OR1J2: variants seen among roughly 807,000 people sequenced by gnomAD.
The protein encoded by OR1J2 is olfactory receptor 1J2.
For missense variants in OR1J2, 304 were observed against 246.1 expected, an observed-to-expected ratio of 1.24 and a Z score of -1.57; for synonymous variants, 142 against 99.7, an observed-to-expected ratio of 1.42 and a Z score of -2.52.
At chr9:122,474,420 A>T in the OR1J2 span, among the ~76,000 whole-genome samples, 1 of 152,170 alleles carries the variant, frequency 6.6e-6, no homozygotes, top group Non-Finnish European at 1.5e-5. Flanking sequence ...CTTCCGCCTG[A>T]TGTGGGATGA....
chr9:122,470,327 T>A, the OR1J2 span, among the ~76,000 whole-genome samples: 1 of 152,220 alleles, frequency 6.6e-6, no homozygotes, highest in African/African-American at 2.4e-5. Flanking sequence ...TGGCTTCAGA[T>A]GGTGCAAGCT....
the OR1J2 span, among the ~76,000 whole-genome samples, chr9:122,580,097 C>G: frequency 0.11 from 16,876 of 152,082 alleles, 1,118 homozygotes; most frequent in Middle Eastern, 0.18. Context: ...AAGTGGACTT[C>G]AGCTGCCGCT....
chr9:122,486,640 C>A, the OR1J2 span, among the ~76,000 whole-genome samples: 2 of 152,132 alleles, frequency 1.3e-5, no homozygotes, highest in African/African-American at 4.8e-5. Flanking sequence ...TGCTGTGATG[C>A]AATTTATATC....
At chr9:122,505,592 T>C in the OR1J2 span, among the ~76,000 whole-genome samples, 1 of 152,210 alleles carries the variant, frequency 6.6e-6, no homozygotes, top group Non-Finnish European at 1.5e-5. Context: ...ATCTATGATG[T>C]CTTAGACCTA....
the OR1J2 span, among the ~76,000 whole-genome samples, chr9:122,525,114 C>G: frequency 1.8e-4 from 28 of 152,248 alleles, no homozygotes; most frequent in Middle Eastern, 3.4e-3. Flanking sequence ...CATGACGATG[C>G]CCTGCTCATC....
At chr9:122,516,300 CTTTTTTTTTT>C (rs1278693220), downstream of OR1J2, among the ~76,000 whole-genome samples, 2 of 104,162 alleles carry the variant, frequency 1.9e-5, no homozygotes, top group Non-Finnish European at 3.6e-5. Context: ...CATACATGGT[CTTTTTTTTTT>C]TTTTTTTTTT....
the OR1J2 span, among the ~76,000 whole-genome samples, chr9:122,481,551 C>G: frequency 6.6e-6 from 1 of 152,062 alleles, no homozygotes; most frequent in Non-Finnish European, 1.5e-5. Context: ...AAAATACAAA[C>G]TAGAAACTCA....
the OR1J2 span, chr9:122,447,597 G>C: frequency 6.6e-6 from 1 of 151,852 alleles, no homozygotes. Flanking sequence ...TAGACTTTCT[G>C]TTAATCTATA....
the OR1J2 span, among the ~76,000 whole-genome samples, chr9:122,541,563 A>G: frequency 6.6e-6 from 1 of 152,216 alleles, no homozygotes; most frequent in African/African-American, 2.4e-5. Context: ...CATATCAAAA[A>G]TAAGAGAATT....
chr9:122,535,112 AG>A, the OR1J2 span, among the ~76,000 whole-genome samples: 6,901 of 151,674 alleles, frequency 0.045, 218 homozygotes, highest in Middle Eastern at 0.075. Flanking sequence ...GAAAAGAGAG[AG>A]TAGAGACATG....
the OR1J2 span, chr9:122,553,900 T>G: frequency 0.72 from 1,165,947 of 1,613,430 alleles, 425,800 homozygotes; most frequent in East Asian, 1. Context: ...GCTGTGTTTG[T>G]CATCTCATCT....
chr9:122,552,058 C>G, the OR1J2 span, among the ~76,000 whole-genome samples: 1 of 100,356 alleles, frequency 1.0e-5, no homozygotes. Flanking sequence ...CACACATACA[C>G]TCTCTCTCTC....
chr9:122,474,196 A>G, the OR1J2 span, among the ~76,000 whole-genome samples: 9,969 of 152,270 alleles, frequency 0.065, 381 homozygotes, highest in South Asian at 0.08. Context: ...TAAACTGTAT[A>G]CTTGTTGTCT....
chr9:122,477,097 A>G, the OR1J2 span: 6 of 1,613,482 alleles, frequency 3.7e-6, no homozygotes, highest in African/African-American at 2.7e-5. Flanking sequence ...TGCTGTGTAT[A>G]TCACTGAAGC....
chr9:122,567,086 C>T, the OR1J2 span: 1 of 152,280 alleles, frequency 6.6e-6, no homozygotes, highest in African/African-American at 2.4e-5. Context: ...TAAAAATTCT[C>T]AAGAAGAGAA....
the OR1J2 span, chr9:122,519,118 C>T: frequency 6.6e-7 from 1 of 1,516,488 alleles, no homozygotes; most frequent in Non-Finnish European, 9.0e-7. Context: ...CCCTCTATTT[C>T]CAGCAGAGAG....
At chr9:122,522,494 A>G in the OR1J2 span, among the ~76,000 whole-genome samples, 51,528 of 152,036 alleles carry the variant, frequency 0.34, 8,988 homozygotes, top group East Asian at 0.5. Flanking sequence ...GGAATTTGCT[A>G]AAGAATTAAG....
the OR1J2 span, among the ~76,000 whole-genome samples, chr9:122,552,047 A>T: frequency 1.4e-5 from 2 of 147,396 alleles, no homozygotes; most frequent in Non-Finnish European, 1.5e-5. Context: ...ACACACACAC[A>T]CACACATACA....
At chr9:122,561,939 A>G in the OR1J2 span, among the ~76,000 whole-genome samples, 7 of 152,154 alleles carry the variant, frequency 4.6e-5, no homozygotes, top group Non-Finnish European at 7.4e-5. Flanking sequence ...TAGCAGTAGG[A>G]AAAACTAAGT....
Sources: allele counts gnomAD v4.1 joint callset (sites outside exome capture counted in the v4.1 genomes callset), GRCh38; gene constraint gnomAD v4.1.1; transcripts MANE v1.5; gene names NCBI Gene and HGNC (gene_info 2026-07-23, HGNC 2026-07-21).